The following ZC3H12B variants were observed in gnomAD, a reference collection of about 807,000 sequenced individuals.
ZC3H12B encodes probable ribonuclease ZC3H12B.
A neutral mutation model predicts 43.9 loss-of-function variants in ZC3H12B; 7 were observed. The observed-to-expected ratio is 0.16, with a 90% confidence interval of 0.09 to 0.30. The LOEUF is 0.30. Ranked by LOEUF, ZC3H12B falls within the 10% of genes least tolerant of loss-of-function variation. The probability of loss-of-function intolerance (pLI) is 1.00; values close to 1 mark genes in which losing one functional copy is unlikely to be tolerated. For synonymous variants in ZC3H12B, 222 were observed against 241.7 expected (o/e 0.92, Z 0.76); for missense variants, 475 against 670.2 (o/e 0.71, Z 3.22).
At chrX:65,216,517 A>G in the ZC3H12B span, among the ~76,000 whole-genome samples, 1 of 111,536 alleles carries the variant, frequency 9.0e-6, no homozygotes. Flanking sequence ...GGGGCTCTAA[A>G]TAAGTTTGAG....
At chrX:65,450,921 A>C (rs1278349894) in intron 3 of ZC3H12B, among the ~76,000 whole-genome samples, 1 of 97,474 alleles carries the variant, frequency 1.0e-5, no homozygotes, top group South Asian at 4.5e-4. Context: ...ACACACACAC[A>C]CATATATATA....
chrX:65,154,208 C>A, the ZC3H12B span, among the ~76,000 whole-genome samples: 1 of 111,308 alleles, frequency 9.0e-6, no homozygotes, highest in African/African-American at 3.3e-5. Flanking sequence ...TGTGCACATG[C>A]ACCCTAAAAC....
At chrX:65,465,113 G>A (rs932903849) in intron 3 of ZC3H12B, among the ~76,000 whole-genome samples, 1 of 111,001 alleles carries the variant, frequency 9.0e-6, no homozygotes, top group Admixed American at 9.7e-5. Flanking sequence ...TTCTGTTGTG[G>A]TTAGTTGGTT....
the ZC3H12B span, among the ~76,000 whole-genome samples, chrX:65,119,404 T>C: frequency 8.9e-6 from 1 of 112,385 alleles, no homozygotes; most frequent in African/African-American, 3.2e-5. Context: ...TGGCCAGTGA[T>C]GATGAGCATT....
At chrX:65,072,141 C>T in the ZC3H12B span, among the ~76,000 whole-genome samples, 1 of 111,634 alleles carries the variant, frequency 9.0e-6, no homozygotes, top group South Asian at 3.7e-4. Flanking sequence ...AGGTTTTGTT[C>T]ATTCCTTTTC....
At chrX:65,118,912 T>C in the ZC3H12B span, among the ~76,000 whole-genome samples, 1 of 107,029 alleles carries the variant, frequency 9.3e-6, no homozygotes, top group African/African-American at 3.4e-5. Flanking sequence ...TGGTTTTCTG[T>C]CCTTGCGATA....
the ZC3H12B span, among the ~76,000 whole-genome samples, chrX:65,156,887 A>G: frequency 3.6e-5 from 4 of 111,965 alleles, no homozygotes; most frequent in Admixed American, 9.6e-5. Context: ...CATTTTTAGC[A>G]CATCATCTTT....
At chrX:65,299,287 G>A in the ZC3H12B span, among the ~76,000 whole-genome samples, 1 of 111,721 alleles carries the variant, frequency 9.0e-6, no homozygotes, top group Non-Finnish European at 1.9e-5. Context: ...AATTCATTTT[G>A]TGAGGCCGTC....
At chrX:65,416,844 C>T (rs1233836280) in intron 3 of ZC3H12B, among the ~76,000 whole-genome samples, 2 of 110,347 alleles carry the variant, frequency 1.8e-5, no homozygotes, top group Non-Finnish European at 3.8e-5. Context: ...AATCAAAGAA[C>T]TCTGGGGCAG....
chrX:65,191,768 T>C, the ZC3H12B span, among the ~76,000 whole-genome samples: 1 of 109,856 alleles, frequency 9.1e-6, no homozygotes, highest in South Asian at 4.0e-4. Context: ...GATTCATTGG[T>C]TTTTTGAAGG....
At chrX:65,176,083 G>T in the ZC3H12B span, among the ~76,000 whole-genome samples, 3 of 112,041 alleles carry the variant, frequency 2.7e-5, no homozygotes, top group Non-Finnish European at 5.6e-5. Flanking sequence ...AGGGAGCCAA[G>T]TGGTCTAGCT....
the ZC3H12B span, chrX:65,185,136 T>C: frequency 9.0e-6 from 1 of 111,548 alleles, no homozygotes; most frequent in African/African-American, 3.3e-5. Flanking sequence ...ACAATATGTT[T>C]TAAACTTCAA....
the ZC3H12B span, among the ~76,000 whole-genome samples, chrX:65,165,396 C>T: frequency 0.14 from 16,005 of 111,717 alleles, 2,734 homozygotes; most frequent in African/African-American, 0.49. Context: ...GCCCTGCATG[C>T]ATTAGGTATT....
the ZC3H12B span, among the ~76,000 whole-genome samples, chrX:65,310,458 C>A: frequency 2.7e-5 from 3 of 111,483 alleles, no homozygotes; most frequent in African/African-American, 9.8e-5. Flanking sequence ...CGTGAAGGAC[C>A]TCTTCAAGGA....
intron 3 of ZC3H12B, among the ~76,000 whole-genome samples, chrX:65,455,484 A>C (rs1476442309): frequency 3.6e-5 from 4 of 112,238 alleles, no homozygotes; most frequent in Non-Finnish European, 7.5e-5. Context: ...ATGTGAAAAG[A>C]CCAAATCTAT....
At chrX:65,261,691 G>A in the ZC3H12B span, among the ~76,000 whole-genome samples, 1 of 109,559 alleles carries the variant, frequency 9.1e-6, no homozygotes, top group East Asian at 2.9e-4. Flanking sequence ...TTAACAAAAG[G>A]CTAAGCAAAA....
At chrX:65,151,801 T>C in the ZC3H12B span, among the ~76,000 whole-genome samples, 1 of 111,307 alleles carries the variant, frequency 9.0e-6, no homozygotes, top group Non-Finnish European at 1.9e-5. Flanking sequence ...TTGACCAATA[T>C]CCTTGATGAA....
the ZC3H12B span, among the ~76,000 whole-genome samples, chrX:65,141,097 A>G: frequency 9.1e-6 from 1 of 109,822 alleles, no homozygotes; most frequent in Non-Finnish European, 1.9e-5. Context: ...CTCCTTCTAC[A>G]ATGGGTTTTT....
At chrX:65,264,842 G>T in the ZC3H12B span, among the ~76,000 whole-genome samples, 1 of 111,476 alleles carries the variant, frequency 9.0e-6, no homozygotes, top group African/African-American at 3.3e-5. Flanking sequence ...GATCATTGTC[G>T]TGTGTATAAA....
Sources: allele counts gnomAD v4.1 joint callset (sites outside exome capture counted in the v4.1 genomes callset), GRCh38; gene constraint gnomAD v4.1.1; transcripts MANE v1.5; gene names NCBI Gene and HGNC (gene_info 2026-07-23, HGNC 2026-07-21).